TENM2: variants seen among roughly 807,000 people sequenced by gnomAD.
TENM2 encodes the protein teneurin transmembrane protein 2.
In TENM2, 52 loss-of-function variants were observed where a neutral mutation model predicts 245.2. The ratio of observed to expected loss-of-function variants is 0.21; its 90% CI spans 0.17 to 0.27. The LOEUF (loss-of-function observed/expected upper bound fraction) is 0.27. Ranked by LOEUF, TENM2 falls within the 10% of genes least tolerant of loss-of-function variation. TENM2 has a pLI of 1.00. For missense variants in TENM2, 3,046 were observed against 3,666.8 expected, an observed-to-expected ratio of 0.83 and a Z score of 4.37; for synonymous variants, 1,363 against 1,438.9, an observed-to-expected ratio of 0.95 and a Z score of 1.19.
chr5:168,228,589 G>A (rs952919328), intron 25 of TENM2, among the ~76,000 whole-genome samples: 1 of 143,794 alleles, frequency 7.0e-6, no homozygotes, highest in Admixed American at 7.0e-5. Flanking sequence ...AACTTTTAAA[G>A]TATGTTCTTT....
chr5:167,258,249 A>G, the TENM2 span, among the ~76,000 whole-genome samples: 1 of 147,526 alleles, frequency 6.8e-6, no homozygotes, highest in African/African-American at 2.5e-5. Context: ...ATATGTATAT[A>G]TATATATAGT....
In TENM2 at chr5:167,453,939, A is replaced by T. The variant is rs1765755752; in HGVS notation, c.502+78466A>T. ...GTCTATAATGGTTTTAAGCTTTATA[A>T]TTTTCCATCTCTTCACTACTTAGGG... On this transcript the variant is annotated intron_variant, in intron 2 of 28. Transcript: ENST00000518659. Among the ~76,000 whole-genome samples the T allele has an allele frequency of 1.3e-5, 2 of 152,232 alleles. 1 individual carries two copies. Among genetic ancestry groups the T allele is most frequent in the South Asian group, 4.1e-4 (2 of 4,834 alleles).
intron 2 of TENM2, among the ~76,000 whole-genome samples, chr5:167,453,487 A>C (rs1765729344): frequency 6.6e-6 from 1 of 152,186 alleles, no homozygotes; most frequent in Admixed American, 6.5e-5. Context: ...TCAAAATAAA[A>C]GACAGGAAAC....
intron 2 of TENM2, among the ~76,000 whole-genome samples, chr5:167,786,896 G>A (rs1288712693): frequency 6.6e-6 from 1 of 152,182 alleles, no homozygotes; most frequent in Non-Finnish European, 1.5e-5. Flanking sequence ...AATGCAAAAA[G>A]TTAACCCGTT....
At chr5:167,051,833 T>A in the TENM2 span, among the ~76,000 whole-genome samples, 2 of 152,238 alleles carry the variant, frequency 1.3e-5, no homozygotes, top group African/African-American at 4.8e-5. Flanking sequence ...TATAAGTAGC[T>A]GAATTCCCTC....
At chr5:167,977,461 G>GA (rs1168433520) in intron 4 of TENM2, among the ~76,000 whole-genome samples, 11 of 152,012 alleles carry the variant, frequency 7.2e-5, no homozygotes, top group Non-Finnish European at 1.5e-4. Flanking sequence ...AAATAAAATA[G>GA]AAAAAAATGT....
chr5:167,337,537 T>C (rs1165627263), intron 1 of TENM2, among the ~76,000 whole-genome samples: 2 of 152,184 alleles, frequency 1.3e-5, no homozygotes. Context: ...TAAAATGATT[T>C]GGGAATGTAA....
the TENM2 span, among the ~76,000 whole-genome samples, chr5:167,273,848 G>C: frequency 4.4e-4 from 67 of 152,104 alleles, no homozygotes; most frequent in South Asian, 8.3e-4. Context: ...CTTCCAAATA[G>C]GTATTTATTT....
chr5:168,047,880 G>C (rs1426461505), intron 6 of TENM2, among the ~76,000 whole-genome samples: 2 of 151,912 alleles, frequency 1.3e-5, no homozygotes. Context: ...GCAGCAGCTG[G>C]AGTGGCAGCA....
chr5:168,034,117 ATG>A (rs1787414723), intron 5 of TENM2, among the ~76,000 whole-genome samples: 2 of 119,266 alleles, frequency 1.7e-5, no homozygotes, highest in Non-Finnish European at 1.6e-5. Flanking sequence ...ATACATATAT[ATG>A]TGTATATATA....
intron 3 of TENM2, among the ~76,000 whole-genome samples, chr5:167,913,074 C>A (rs940908606): frequency 1.3e-5 from 2 of 152,268 alleles, no homozygotes; most frequent in East Asian, 3.9e-4. Context: ...AGAAAAAAAA[C>A]TATGCAGCAA....
At chr5:168,034,674 G>C (rs1482839728) in intron 5 of TENM2, among the ~76,000 whole-genome samples, 1 of 152,142 alleles carries the variant, frequency 6.6e-6, no homozygotes, top group Non-Finnish European at 1.5e-5. Context: ...GGGAGGCTAA[G>C]GTGGGAGGAT....
chr5:167,218,758 A>G, the TENM2 span, among the ~76,000 whole-genome samples: 83 of 152,354 alleles, frequency 5.4e-4, 1 homozygote, highest in African/African-American at 2.0e-3. Context: ...AATAATGAGA[A>G]GTATAATGGT....
chr5:167,137,501 G>C, the TENM2 span, among the ~76,000 whole-genome samples: 11 of 152,102 alleles, frequency 7.2e-5, no homozygotes, highest in Admixed American at 7.2e-4. Flanking sequence ...ACAAAACATG[G>C]GGAGGCTCTA....
At chr5:167,072,530 A>G in the TENM2 span, among the ~76,000 whole-genome samples, 2 of 152,246 alleles carry the variant, frequency 1.3e-5, no homozygotes, top group Non-Finnish European at 2.9e-5. Flanking sequence ...AACAACAGTG[A>G]CAAGGACAGC....
At chr5:167,157,841 T>G in the TENM2 span, among the ~76,000 whole-genome samples, 1 of 152,232 alleles carries the variant, frequency 6.6e-6, no homozygotes, top group Non-Finnish European at 1.5e-5. Context: ...AATTTGGAGA[T>G]ATGAGAGCAG....
the TENM2 span, among the ~76,000 whole-genome samples, chr5:167,129,185 G>A: frequency 6.6e-6 from 1 of 152,156 alleles, no homozygotes; most frequent in Admixed American, 6.5e-5. Context: ...GGAAGTGGCT[G>A]GAACTTAGGA....
chr5:167,914,466 G>T (rs531884731), intron 3 of TENM2, among the ~76,000 whole-genome samples: 2 of 151,990 alleles, frequency 1.3e-5, no homozygotes, highest in African/African-American at 4.8e-5. Flanking sequence ...TTATAAGAAC[G>T]CTTATGATTA....
intron 1 of TENM2, among the ~76,000 whole-genome samples, chr5:167,314,510 C>T (rs929562939): frequency 1.3e-5 from 2 of 152,030 alleles, no homozygotes; most frequent in African/African-American, 4.8e-5. Context: ...GAATTAAAAT[C>T]TTGAATTTGG....
Sources: gnomAD v4.1 joint callset for allele counts (sites outside exome capture counted in the v4.1 genomes callset) on GRCh38, gnomAD v4.1.1 for gene constraint, MANE v1.5 for transcripts, NCBI Gene and HGNC (gene_info 2026-07-23, HGNC 2026-07-21) for gene names.